The following ATP10A variants were observed in gnomAD, a reference collection of about 807,000 sequenced individuals.
ATP10A encodes the protein ATPase phospholipid transporting 10A (putative), also known as phospholipid-transporting ATPase VA.
ATP10A carries 111 observed loss-of-function variants against 147.8 expected under a neutral mutation model. That is an observed-to-expected ratio of 0.75 (90% CI 0.64 to 0.88). ATP10A has a LOEUF of 0.88. ATP10A is among the 40% of genes least tolerant of loss of function. ATP10A has a pLI of 0.00. For missense variants in ATP10A, 1,927 were observed against 1,959.0 expected, an observed-to-expected ratio of 0.98 and a Z score of 0.31; for synonymous variants, 875 against 841.6, an observed-to-expected ratio of 1.04 and a Z score of -0.69.
chr15:25,814,637 T>A (rs1037590979), intron 1 of ATP10A, among the ~76,000 whole-genome samples: 3 of 152,106 alleles, frequency 2.0e-5, no homozygotes, highest in Non-Finnish European at 4.4e-5. Flanking sequence ...ATCCCTGGAG[T>A]CCCCACAGTC....
chr15:25,856,762 GACAACAACA>G (rs759934046), intron 1 of ATP10A, among the ~76,000 whole-genome samples: 1 of 151,632 alleles, frequency 6.6e-6, no homozygotes, highest in Non-Finnish European at 1.5e-5. Context: ...CCAAAACAAC[GACAACAACA>G]ACAACAACAA....
chr15:25,857,469 G>A (rs1202684015), intron 1 of ATP10A, among the ~76,000 whole-genome samples: 1 of 152,038 alleles, frequency 6.6e-6, no homozygotes, highest in African/African-American at 2.4e-5. Flanking sequence ...TTTTTTTTAG[G>A]TATGATAATG....
intron 1 of ATP10A, among the ~76,000 whole-genome samples, chr15:25,846,856 G>T (rs1893045342): frequency 6.6e-6 from 1 of 151,988 alleles, no homozygotes; most frequent in Non-Finnish European, 1.5e-5. Context: ...TTTATATTTT[G>T]TATGTTTCAA....
At chr15:25,681,347 G>A (rs748450930) in intron 17 of ATP10A, among the ~76,000 whole-genome samples, 4 of 152,140 alleles carry the variant, frequency 2.6e-5, no homozygotes, top group South Asian at 2.1e-4. Flanking sequence ...CATCTTTGTC[G>A]TTTATCCTTG....
intron 12 of ATP10A, 66 bp downstream of exon 12, chr15:25,707,910 A>G: frequency 6.3e-7 from 1 of 1,581,414 alleles, no homozygotes; most frequent in Middle Eastern, 1.8e-4. Flanking sequence ...AAGAGCACTC[A>G]CCCCTCCAGG....
rs562778986 is a variant in ATP10A at position 25,766,562 on chromosome 15, G to A, written c.654+14457C>T. On this transcript the variant is annotated intron_variant, in intron 2 of 20. Transcript: ENST00000555815. Reference sequence around the variant, plus strand: ...GCTTCCCTCTGAGCCAGCAGAAGAAGTGAGGAGGGCAGGAAGCTCCACCAG... The same window carrying A: ...GCTTCCCTCTGAGCCAGCAGAAGAAATGAGGAGGGCAGGAAGCTCCACCAG... 2.0e-5 allele frequency among the ~76,000 whole-genome samples: 3 copies of A among 151,896 alleles called. No individual in the cohort carries two copies. In the East Asian group the frequency reaches 5.9e-4, roughly 30 times the overall value.
chr15:25,732,793 G>C (rs2140473365), intron 3 of ATP10A, among the ~76,000 whole-genome samples: 1 of 151,992 alleles, frequency 6.6e-6, no homozygotes, highest in Non-Finnish European at 1.5e-5. Context: ...CTGACCTCAT[G>C]ATCTGCCCGC....
chr15:25,672,927 A>T (rs1899070262), downstream of ATP10A, among the ~76,000 whole-genome samples: 1 of 152,142 alleles, frequency 6.6e-6, no homozygotes, highest in African/African-American at 2.4e-5. Flanking sequence ...GAGGGTTACT[A>T]GTTTAAGGAC....
chr15:25,806,327 C>CTTTTCTTTTCTTTTTT (rs71127085), intron 1 of ATP10A, among the ~76,000 whole-genome samples: 24 of 151,562 alleles, frequency 1.6e-4, no homozygotes, highest in African/African-American at 5.1e-4. Flanking sequence ...CTTTTCTTTT[C>CTTTTCTTTTCTTTTTT]TTTGAGATGG....
intron 5 of ATP10A, 57 bp from the exon 6 acceptor site, chr15:25,724,078 C>A: frequency 7.0e-7 from 1 of 1,431,136 alleles, no homozygotes; most frequent in South Asian, 1.6e-5. Flanking sequence ...AAGAATATTG[C>A]TAGCGTATAT....
chr15:25,709,098 T>C (rs143688669), intron 10 of ATP10A: 2 of 152,196 alleles, frequency 1.3e-5, no homozygotes, highest in Non-Finnish European at 2.9e-5. Context: ...CACTGGTTCT[T>C]GGAGGTGGAA....
At chr15:25,839,442 A>G (rs943778267) in intron 1 of ATP10A, among the ~76,000 whole-genome samples, 2 of 152,128 alleles carry the variant, frequency 1.3e-5, no homozygotes, top group Non-Finnish European at 2.9e-5. Context: ...TTACTCATAA[A>G]TCTTAATGCT....
chr15:25,679,897 G>T lies in ATP10A; in HGVS notation c.3944C>A (p.Pro1315His). The T allele has an allele frequency of 6.2e-7, 1 of 1,610,344 alleles. No homozygotes were observed. Residue 1315 changes from proline (P) to histidine (H), a missense_variant, in exon 21 of 21, where the codon CCC becomes CAC. Pro to His is a moderately conservative substitution (Grantham distance 77). Transcript: ENST00000555815. ...QLARQLTRKS[P>H]RRCSAPKETF... The stretch of plus-strand genomic sequence containing the variant: ...CTCTTTGGGAGCACTGCATCTCCTG[G>T]GGGACTTCCTGGTCAACTGACGTGC...
intron 1 of ATP10A, among the ~76,000 whole-genome samples, chr15:25,855,834 G>A (rs1267897148): frequency 6.6e-6 from 1 of 152,164 alleles, no homozygotes; most frequent in Admixed American, 6.5e-5. Flanking sequence ...GATATAATAA[G>A]TGAGTCAGCC....
Position 25,737,217 on chromosome 15 carries a change from C to T in ATP10A, c.655-1076G>A, listed in dbSNP as rs140676088. On this transcript the variant is annotated intron_variant, in intron 2 of 20. Coordinates refer to ENST00000555815, the MANE Select transcript of ATP10A (RefSeq NM_024490.4). ...CCTTGGACTGAAATGGCCTCTCGCT[C>T]TATTTCCAGAGCAGGGCTCTGTTTC... Among the ~76,000 whole-genome samples, 104 of 152,316 alleles carry T rather than the reference C, an allele frequency of 6.8e-4. 2 individuals are homozygous for T. The highest frequency in any genetic ancestry group is 2.5e-3 in the African/African-American group (102 of 41,576).
intron 16 of ATP10A, among the ~76,000 whole-genome samples, chr15:25,685,552 C>T (rs1899666534): frequency 6.6e-6 from 1 of 152,134 alleles, no homozygotes. Flanking sequence ...TAAAAGAAGA[C>T]TGGACATGGT....
intron 12 of ATP10A, among the ~76,000 whole-genome samples, chr15:25,706,263 C>T (rs74003869): frequency 0.059 from 9,030 of 152,154 alleles, 377 homozygotes; most frequent in East Asian, 0.15. Flanking sequence ...GAGAGGTGAC[C>T]GATGCACGAT....
rs558531317 is a variant in ATP10A at position 25,801,776 on chromosome 15, T to C, written c.450-20553A>G. ...AGGAATGGCATCACAGCCCACCTGC[T>C]GGAAGGCCCCCGTGCCAGTCTCTGA... is the stretch of plus-strand genomic sequence containing the variant. On this transcript the variant is annotated intron_variant, in intron 1 of 20. Coordinates refer to ENST00000555815, the MANE Select transcript of ATP10A (RefSeq NM_024490.4). Among the ~76,000 whole-genome samples, 34 of 152,326 alleles carry C rather than the reference T, an allele frequency of 2.2e-4. 1 individual carries two copies. In the South Asian group the frequency reaches 6.8e-3, roughly 31 times the overall value.
chr15:25,841,936 G>T (rs185636663), intron 1 of ATP10A, among the ~76,000 whole-genome samples: 319 of 152,310 alleles, frequency 2.1e-3, no homozygotes, highest in Non-Finnish European at 3.6e-3. Flanking sequence ...TCATTTTTCA[G>T]TTGTAAGAGG....
Sources: gnomAD v4.1 joint callset for allele counts (sites outside exome capture counted in the v4.1 genomes callset) on GRCh38, gnomAD v4.1.1 for gene constraint, MANE v1.5 for transcripts, NCBI Gene and HGNC (gene_info 2026-07-23, HGNC 2026-07-21) for gene names.